Variants in RBL1 observed in about 807,000 individuals in gnomAD.
The protein encoded by RBL1 is RB transcriptional corepressor like 1.
In RBL1, 82 loss-of-function variants were observed where a neutral mutation model predicts 123.0. The observed-to-expected ratio is 0.67, with a 90% CI of 0.56 to 0.80. The LOEUF is 0.80. Ranked by LOEUF, RBL1 falls within the 30% of genes least tolerant of loss-of-function variation. The probability of loss-of-function intolerance (pLI) is 0.00; values close to 1 mark genes in which losing one functional copy is unlikely to be tolerated. For missense variants in RBL1, 1,171 were observed against 1,299.6 expected, an observed-to-expected ratio of 0.90 and a Z score of 1.52; for synonymous variants, 405 against 441.3, an observed-to-expected ratio of 0.92 and a Z score of 1.03.
At chr20:37,077,098 G>A (rs922929101) in intron 2 of RBL1, among the ~76,000 whole-genome samples, 5 of 152,006 alleles carry the variant, frequency 3.3e-5, no homozygotes, top group Non-Finnish European at 5.9e-5. Context: ...CACCAAGCTC[G>A]GCTAATTTTT....
intron 2 of RBL1, 117 bp from the exon 3 acceptor site, chr20:37,068,303 C>A: frequency 7.2e-7 from 1 of 1,388,722 alleles, no homozygotes; most frequent in Non-Finnish European, 9.6e-7. Flanking sequence ...ATTTCCCAGG[C>A]AACATAGTTA....
rs576482093 is a variant in RBL1 at position 37,069,825 on chromosome 20, C to T, written c.291-1639G>A. On this transcript the variant is annotated intron_variant, in intron 2 of 21. Transcript: ENST00000373664. ...GGGGTCAGCCCCCTGCCAGGCCAGCCGCCCTGTCCGGGAGGGAGGTGGGGG... is the reference window on the plus strand; with the variant it reads ...GGGGTCAGCCCCCTGCCAGGCCAGCTGCCCTGTCCGGGAGGGAGGTGGGGG... 3.1e-4 allele frequency among the ~76,000 whole-genome samples: 47 copies of T among 151,344 alleles called. 1 individual carries two copies. The highest frequency in any genetic ancestry group is 5.3e-4 in the Non-Finnish European group (36 of 67,808).
intron 21 of RBL1, among the ~76,000 whole-genome samples, chr20:37,000,749 C>T (rs1237100160): frequency 3.7e-5 from 5 of 136,942 alleles, no homozygotes; most frequent in African/African-American, 1.1e-4. Context: ...CCCGGCCAGC[C>T]GCCCCGTCCA....
intron 20 of RBL1, among the ~76,000 whole-genome samples, chr20:37,006,024 T>C (rs1250246411): frequency 6.7e-6 from 1 of 150,252 alleles, no homozygotes; most frequent in Non-Finnish European, 1.5e-5. Context: ...GCTTGCTGAG[T>C]AGTTGGGACT....
chr20:37,030,731 T>C (rs1035637739), intron 16 of RBL1, among the ~76,000 whole-genome samples: 1 of 151,904 alleles, frequency 6.6e-6, no homozygotes, highest in African/African-American at 2.4e-5. Context: ...GGCATATTCC[T>C]GTAGTCCCAG....
intron 21 of RBL1, among the ~76,000 whole-genome samples, chr20:37,000,909 C>T (rs2063964983): frequency 6.9e-6 from 1 of 144,184 alleles, no homozygotes; most frequent in Admixed American, 6.8e-5. Context: ...GGGGGTCAGC[C>T]CCCCGCCCGG....
At chr20:36,999,079 A>G (rs968088120) in intron 21 of RBL1, 150 bp from the exon 22 acceptor site, 2 of 713,668 alleles carry the variant, frequency 2.8e-6, no homozygotes, top group Non-Finnish European at 4.4e-6. Context: ...GAACAACCTA[A>G]TAAGGGATGG....
Position 37,049,595 on chromosome 20 carries a change from G to A in RBL1, c.1468-2405C>T, listed in dbSNP as rs564795599. The stretch of plus-strand genomic sequence containing the variant: ...AACGGCAAAATTAGTTGCTTTCGTC[G>A]AGAGTGCCCTTCTGATGAATGTGGT... On this transcript the variant is annotated intron_variant, in intron 11 of 21. Transcript: ENST00000373664. The A allele has an allele frequency of 1.3e-4, 99 of 756,270 alleles. 2 individuals are homozygous for A. The highest frequency in any genetic ancestry group is 1.2e-3 in the South Asian group (88 of 73,670). 46.8% of individuals were successfully genotyped at this position (756,270 alleles called of 1,614,324 possible).
chr20:37,010,410 T>C (rs2064132507), intron 19 of RBL1, among the ~76,000 whole-genome samples: 1 of 152,226 alleles, frequency 6.6e-6, no homozygotes, highest in African/African-American at 2.4e-5. Flanking sequence ...TGCATATATG[T>C]ATACATAGTT....
In RBL1 at chr20:37,095,933, T is replaced by G. The variant is rs760990219; in HGVS notation, c.-5A>C. On this transcript the variant is annotated 5_prime_UTR_variant, in exon 1 of 22. Coordinates refer to ENST00000373664, the MANE Select transcript of RBL1 (RefSeq NM_002895.5). Reference sequence around the variant, plus strand: ...GTGGGGCTTGTCCTCGAACATCCCTTCAGGCCCCGCGGGCTGCGCGCCACG... The same window carrying G: ...GTGGGGCTTGTCCTCGAACATCCCTGCAGGCCCCGCGGGCTGCGCGCCACG... 246 of 1,551,058 alleles carry G rather than the reference T, an allele frequency of 1.6e-4. 1 individual carries two copies. The Admixed American group carries it at 4.5e-3, about 29-fold the overall frequency.
At chr20:37,068,213 G>C in intron 2 of RBL1, 27 bp from the exon 3 acceptor site, 1 of 1,526,914 alleles carries the variant, frequency 6.5e-7, no homozygotes, top group Non-Finnish European at 8.8e-7. Flanking sequence ...GGAGAAAAAA[G>C]GCACCTTTAA....
In RBL1 at chr20:37,047,149, A is replaced by C. The variant is rs1402263974; in HGVS notation, c.1509T>G (p.Ala503=). Residue 503 remains alanine (A), a synonymous_variant, in exon 12 of 22, where the codon GCT becomes GCG. Transcript: ENST00000373664. ...EQDIFHRSLM[A]CCLEIVLFAY... Reference sequence around the variant, plus strand: ...CAAAGAGCACAATTTCCAAACAACAAGCCATCAAGGAACGATGAAATATAT... The same window carrying C: ...CAAAGAGCACAATTTCCAAACAACACGCCATCAAGGAACGATGAAATATAT... 2 of 1,606,122 alleles carry C rather than the reference A, an allele frequency of 1.2e-6. No individual in the cohort carries two copies. Among genetic ancestry groups the C allele is most frequent in the Admixed American group, 1.7e-5 (1 of 57,200 alleles).
At chr20:37,054,627 C>T (rs974873407) in intron 11 of RBL1, among the ~76,000 whole-genome samples, 5 of 151,938 alleles carry the variant, frequency 3.3e-5, no homozygotes, top group Admixed American at 2.0e-4. Context: ...GTCAGGAGCT[C>T]GAGACCAGCC....
At chr20:37,006,435 C>T (rs974887889) in intron 20 of RBL1, among the ~76,000 whole-genome samples, 7 of 150,994 alleles carry the variant, frequency 4.6e-5, no homozygotes, top group African/African-American at 9.7e-5. Context: ...TCTGGTGATC[C>T]GCCCGCCTAG....
intron 12 of RBL1, among the ~76,000 whole-genome samples, chr20:37,045,081 C>CTTACTTACTTATTTAT (rs1555857366): frequency 1.2e-4 from 18 of 146,172 alleles, no homozygotes; most frequent in African/African-American, 1.8e-4. Flanking sequence ...CATTTATTTA[C>CTTACTTACTTATTTAT]TTATTTATTT....
At chr20:37,063,033 T>G (rs1319677462) in intron 7 of RBL1, among the ~76,000 whole-genome samples, 2 of 152,186 alleles carry the variant, frequency 1.3e-5, no homozygotes, top group East Asian at 3.9e-4. Context: ...GAATGTAAAA[T>G]CAAATACAGA....
intron 2 of RBL1, among the ~76,000 whole-genome samples, chr20:37,069,631 C>T (rs1160330899): frequency 6.0e-5 from 9 of 150,120 alleles, no homozygotes; most frequent in Admixed American, 4.6e-4. Flanking sequence ...GTGAGGAGCC[C>T]CTCCGCCCGG....
intron 2 of RBL1, among the ~76,000 whole-genome samples, chr20:37,088,700 A>AG (rs2065595212): frequency 6.6e-6 from 1 of 151,436 alleles, no homozygotes. Context: ...ACTAAAAAAA[A>AG]AAAATACAAA....
At chr20:37,067,154 A>G (rs1265097442) in intron 4 of RBL1, 33 bp from the exon 5 acceptor site, 6 of 1,570,676 alleles carry the variant, frequency 3.8e-6, no homozygotes, top group Non-Finnish European at 5.1e-6. Flanking sequence ...AAAAAGACAC[A>G]AAAACCAGAA....
Sources: gnomAD v4.1 joint callset for allele counts (sites outside exome capture counted in the v4.1 genomes callset) on GRCh38, gnomAD v4.1.1 for gene constraint, MANE v1.5 for transcripts, NCBI Gene and HGNC (gene_info 2026-07-23, HGNC 2026-07-21) for gene names.